The following DHX16 variants were observed in gnomAD, a reference collection of about 807,000 sequenced individuals.
The protein encoded by DHX16 is DEAH-box helicase 16.
DHX16 carries 81 observed loss-of-function variants against 131.2 expected under a neutral mutation model. The observed-to-expected ratio is 0.62, with a 90% confidence interval of 0.52 to 0.74. The LOEUF (loss-of-function observed/expected upper bound fraction) is 0.74. Ranked by LOEUF, DHX16 falls within the 30% of genes least tolerant of loss-of-function variation. The pLI, the probability that DHX16 is intolerant of heterozygous loss-of-function variation, is 0.00. For synonymous variants in DHX16, 440 were observed against 520.2 expected, an observed-to-expected ratio of 0.85 and a Z score of 2.10; for missense variants, 980 against 1,363.1, an observed-to-expected ratio of 0.72 and a Z score of 4.43.
In DHX16 at chr6:30,655,512, C is replaced by T. The variant is rs535573253; in HGVS notation, c.2584G>A (p.Val862Ile). The T allele has an allele frequency of 4.3e-6, 7 of 1,613,110 alleles. No homozygotes were observed. In the South Asian group the frequency reaches 4.4e-5, roughly 10 times the overall value. The change falls in exon 17 of 20, where the codon GTC becomes ATC. Residue 862 changes from valine (V) to isoleucine (I), a missense_variant. Coordinates refer to ENST00000376442, the MANE Select transcript of DHX16 (RefSeq NM_003587.5). Reference protein sequence around the residue: ...SIFYRPKDKVVHADNARVNFF... With the variant: ...SIFYRPKDKVIHADNARVNFF... ...TTGACACGGGCATTGTCAGCATGGA[C>T]GACCTTGTCCTTTGGTCGGTAGAAG...
intron 9 of DHX16, chr6:30,660,475 G>A (rs1076828): frequency 0.3 from 127,153 of 419,790 alleles, 21,075 homozygotes; most frequent in Non-Finnish European, 0.36. Context: ...GATAATAGGA[G>A]ACAAGATGTA....
rs765147987 is a variant in DHX16 at position 30,665,755 on chromosome 6, G to A, written c.667-22C>T. ...GGACCTGAGTTGGGAAAGGACAGTCGAATCCTCATCTTGCTGGAGGAGCAA... is the reference window on the plus strand; with the variant it reads ...GGACCTGAGTTGGGAAAGGACAGTCAAATCCTCATCTTGCTGGAGGAGCAA... On this transcript the variant is annotated intron_variant, in intron 4 of 19. Transcript: ENST00000376442. The surrounding 1 kb of genome is among the most constrained non-coding windows in gnomAD (Gnocchi z 4.8). 39 of 1,599,094 alleles carry A rather than the reference G, an allele frequency of 2.4e-5. No homozygotes were observed. Among genetic ancestry groups the A allele is most frequent in the Non-Finnish European group, 3.1e-5 (37 of 1,176,034 alleles).
At chr6:30,671,506 C>G (rs1234417066) in intron 1 of DHX16, among the ~76,000 whole-genome samples, 1 of 151,006 alleles carries the variant, frequency 6.6e-6, no homozygotes, top group Non-Finnish European at 1.5e-5. Flanking sequence ...TGCCACCACG[C>G]CCGACTATTT....
intron 11 of DHX16, 28 bp downstream of exon 11, chr6:30,659,708 C>T: frequency 6.2e-7 from 1 of 1,612,740 alleles, no homozygotes; most frequent in Admixed American, 1.7e-5. Context: ...TGGGATACAT[C>T]ATCCCCTCTC....
chr6:30,656,015 A>G lies in DHX16; in HGVS notation c.2498+183T>C, dbSNP rs1027843783. ...CAAGGGGCCGGGCGCAGTGGAATCAAGGATAGGATCAAGTGTCTTACCCTT... is the reference window on the plus strand; with the variant it reads ...CAAGGGGCCGGGCGCAGTGGAATCAGGGATAGGATCAAGTGTCTTACCCTT... On this transcript the variant is annotated intron_variant, in intron 16 of 19. Coordinates refer to ENST00000376442, the MANE Select transcript of DHX16 (RefSeq NM_003587.5). The surrounding 1 kb of genome is among the most constrained non-coding windows in gnomAD (Gnocchi z 5.1). Among the ~76,000 whole-genome samples, 1 of 152,184 alleles carries G rather than the reference A, an allele frequency of 6.6e-6. No homozygotes were observed. The highest frequency in any genetic ancestry group is 1.5e-5 in the Non-Finnish European group (1 of 68,034).
intron 7 of DHX16, among the ~76,000 whole-genome samples, chr6:30,663,832 C>T (rs1386537554): frequency 1.3e-5 from 2 of 151,284 alleles, no homozygotes; most frequent in East Asian, 2.0e-4. Context: ...TGAGACCATC[C>T]TGGCCAACAT....
At chr6:30,666,226 GAGGA>G (rs1769031782) in intron 4 of DHX16, among the ~76,000 whole-genome samples, 1 of 152,196 alleles carries the variant, frequency 6.6e-6, no homozygotes, top group African/African-American at 2.4e-5. Flanking sequence ...ACTGTAGTTT[GAGGA>G]AGGGAGAAAA....
At position 30,665,029 on chromosome 6, in the gene DHX16, G is replaced by A. The variant is rs752054376; in HGVS notation, c.1126-37C>T. 9 of 1,613,318 alleles carry A rather than the reference G, an allele frequency of 5.6e-6. No homozygotes were observed. In the African/African-American group the frequency reaches 6.7e-5, roughly 12 times the overall value. ...GAAGGAGGTGTGAGCTAAATAGCTCGCTACGGGTCTTCCTCAGAAAGTCTC... is the reference window on the plus strand; with the variant it reads ...GAAGGAGGTGTGAGCTAAATAGCTCACTACGGGTCTTCCTCAGAAAGTCTC... On this transcript the variant is annotated intron_variant, in intron 6 of 19. Transcript: ENST00000376442. This position sits in a 1 kb window ranked among gnomAD's most constrained non-coding sequence, Gnocchi z 4.8.
rs566028389 is a variant in DHX16 at position 30,655,630 on chromosome 6, G to C, written c.2499-33C>G. 38 of 1,611,306 alleles carry C rather than the reference G, an allele frequency of 2.4e-5. No homozygotes were observed. The African/African-American group carries it at 3.9e-4, about 16-fold the overall frequency. ...AGGAAGGGGAAAGCATGAGTTCAAAGCAAGACACATAGGAACAGATATGGT... is the reference window on the plus strand; with the variant it reads ...AGGAAGGGGAAAGCATGAGTTCAAACCAAGACACATAGGAACAGATATGGT... On this transcript the variant is annotated intron_variant, in intron 16 of 19. Transcript: ENST00000376442.
At chr6:30,660,273 A>G (rs777153645) in intron 9 of DHX16, 31 bp from the exon 10 acceptor site, 17 of 1,505,306 alleles carry the variant, frequency 1.1e-5, no homozygotes, top group Non-Finnish European at 1.1e-5. Context: ...CAATGAGGGA[A>G]GAGCGCTAGG....
intron 12 of DHX16, 123 bp from the exon 13 acceptor site, chr6:30,657,215 T>C (rs1220920085): frequency 9.9e-7 from 1 of 1,013,754 alleles, no homozygotes; most frequent in African/African-American, 1.6e-5. Context: ...AGGGAATTAG[T>C]AGTATCCAAG....
chr6:30,659,629 A>G lies in DHX16; in HGVS notation c.1855-5T>C, dbSNP rs1162434215. ...ACAGGCAGCCTCAATCTCCTCCTGG[A>G]TAGAGGGTAGGGAGAGCAGCAGGGG... is the stretch of plus-strand genomic sequence containing the variant. On this transcript the variant is annotated splice_region_variant and splice_polypyrimidine_tract_variant and intron_variant, in intron 11 of 19. Transcript: ENST00000376442. 1 of 1,613,916 alleles carries G rather than the reference A, an allele frequency of 6.2e-7. No homozygotes were observed. Among genetic ancestry groups the G allele is most frequent in the Admixed American group, 1.7e-5 (1 of 60,016 alleles).
rs988757672 is a variant in DHX16, at chr6:30,672,665, G to A, written c.177C>T (p.Ala59=). Residue 59 remains alanine (A), a synonymous_variant, in exon 1 of 20, where the codon GCC becomes GCT. Coordinates refer to ENST00000376442, the MANE Select transcript of DHX16 (RefSeq NM_003587.5). ...DTDTLDLSGP[A]RDFALRLWNK... is the part of the protein sequence containing the mutation. ...TCCAGAGTCTCAGGGCGAAGTCCCG[G>A]GCCGGCCCACTGAGATCCAAGGTAT... The A allele has an allele frequency of 6.2e-7, 1 of 1,612,808 alleles. No individual in the cohort carries two copies. The highest frequency in any genetic ancestry group is 8.5e-7 in the Non-Finnish European group (1 of 1,179,798).
Position 30,656,803 on chromosome 6 carries a change from A to G in DHX16, c.2149-44T>C. Reference sequence around the variant, plus strand: ...AGGCTGGCTGACAATTTGGTCAGGGAAAAGAAAAAGGCAGTATTTATGCAA... The same window carrying G: ...AGGCTGGCTGACAATTTGGTCAGGGGAAAGAAAAAGGCAGTATTTATGCAA... On this transcript the variant is annotated intron_variant, in intron 13 of 19. Coordinates refer to ENST00000376442, the MANE Select transcript of DHX16 (RefSeq NM_003587.5). The surrounding 1 kb of genome is among the most constrained non-coding windows in gnomAD (Gnocchi z 5.1). 10 of 1,608,832 alleles carry G rather than the reference A, an allele frequency of 6.2e-6. No homozygotes were observed. The highest frequency in any genetic ancestry group is 8.5e-6 in the Non-Finnish European group (10 of 1,179,338).
Position 30,662,822 on chromosome 6 carries a change from C to G in DHX16, c.1429-80G>C. 6.4e-7 allele frequency: 1 copy of G among 1,552,334 alleles called. No homozygotes were observed. Among genetic ancestry groups the G allele is most frequent in the East Asian group, 2.2e-5 (1 of 44,554 alleles). On this transcript the variant is annotated intron_variant, in intron 8 of 19. Transcript: ENST00000376442. The surrounding 1 kb of genome is among the most constrained non-coding windows in gnomAD (Gnocchi z 4.7). ...CTTGGGGAAAGGTGAAGTGGGGCAG[C>G]ACCAAGACTTCTGCTGTAGGGACCT...
At position 30,671,107 on chromosome 6, in the gene DHX16, C is replaced by G. The variant is rs778817362; in HGVS notation, c.375G>C (p.Arg125=). 6.2e-7 allele frequency: 1 copy of G among 1,613,094 alleles called. No homozygotes were observed. Among genetic ancestry groups the G allele is most frequent in the South Asian group, 1.1e-5 (1 of 91,084 alleles). Residue 125 remains arginine, a synonymous_variant, in exon 2 of 20, where the codon CGG becomes CGC. Transcript: ENST00000376442. ...GSSLQKKRKK[R]KHLRKKREEE... ...CCTCACGCTTCTTCCTGAGGTGTTT[C>G]CGCTTTTTACGTTTCTTCTGGAGGC...
Position 30,670,606 on chromosome 6 carries a change from T to C in DHX16, c.610-140A>G, listed in dbSNP as rs117092484. The stretch of plus-strand genomic sequence containing the variant: ...CCCTCTCAGTGAGGAATCTCTCTGA[T>C]TGCAGGTACAGCAGACAGTTGTCTT... On this transcript the variant is annotated intron_variant, in intron 3 of 19. Coordinates refer to ENST00000376442, the MANE Select transcript of DHX16 (RefSeq NM_003587.5). The surrounding 1 kb of genome is among the most constrained non-coding windows in gnomAD (Gnocchi z 4.4). 412 of 1,200,004 alleles carry C rather than the reference T, an allele frequency of 3.4e-4. 9 individuals are homozygous for C. The East Asian group carries it at 8.8e-3, about 26-fold the overall frequency. The allele number at this position is 1,200,004 out of a possible 1,614,324, so 74.3% of individuals were successfully genotyped here. A position where few individuals can be genotyped will look rare whatever the true frequency, so the allele number is the denominator to read the frequency against.
intron 1 of DHX16, among the ~76,000 whole-genome samples, chr6:30,672,230 G>A (rs1769626926): frequency 6.6e-6 from 1 of 151,654 alleles, no homozygotes; most frequent in Non-Finnish European, 1.5e-5. Flanking sequence ...GAGGTGGGAG[G>A]GTCGCTTCAA....
Position 30,656,846 on chromosome 6 carries a change from A to C in DHX16, c.2149-87T>G. On this transcript the variant is annotated intron_variant, in intron 13 of 19. Transcript: ENST00000376442. This position sits in a 1 kb window ranked among gnomAD's most constrained non-coding sequence, Gnocchi z 5.1. ...TTATGCAAGAAATCTGGAAGGATGC[A>C]AACTGCTCATCCCGGTTCCCTAGGA... 4 of 1,596,114 alleles carry C rather than the reference A, an allele frequency of 2.5e-6. No homozygotes were observed. Among genetic ancestry groups the C allele is most frequent in the Non-Finnish European group, 3.4e-6 (4 of 1,171,312 alleles).
Sources: allele counts gnomAD v4.1 joint callset (sites outside exome capture counted in the v4.1 genomes callset), GRCh38; gene constraint gnomAD v4.1.1; non-coding constraint Gnocchi (gnomAD v3.1); transcripts MANE v1.5; gene names NCBI Gene and HGNC (gene_info 2026-07-23, HGNC 2026-07-21).